Variants in FGGY observed in about 807,000 individuals in gnomAD.
FGGY encodes FGGY carbohydrate kinase domain-containing protein.
FGGY carries 72 observed loss-of-function variants against 71.3 expected under a neutral mutation model. That is an observed-to-expected ratio of 1.01 (90% CI 0.84 to 1.23). The LOEUF (loss-of-function observed/expected upper bound fraction) is 1.23, where lower values mean the gene tolerates loss of function less well. Among genes scored for constraint, FGGY ranks in the 50% most tolerant of loss-of-function variants. The pLI is 0.00. For synonymous variants in FGGY, 251 were observed against 250.3 expected, an observed-to-expected ratio of 1.00 and a Z score of -0.02; for missense variants, 668 against 682.3, an observed-to-expected ratio of 0.98 and a Z score of 0.23.
chr1:59,422,379 GTTA>G (rs1189030962), intron 5 of FGGY, among the ~76,000 whole-genome samples: 3 of 152,146 alleles, frequency 2.0e-5, no homozygotes. Context: ...TTTTGTTGGT[GTTA>G]TTGTTTTTAA....
intron 7 of FGGY, among the ~76,000 whole-genome samples, chr1:59,549,226 A>G (rs1220257568): frequency 6.6e-6 from 1 of 152,236 alleles, no homozygotes; most frequent in Non-Finnish European, 1.5e-5. Flanking sequence ...CAGGAACTCC[A>G]GAAACCTCCC....
At position 59,608,250 on chromosome 1, in the gene FGGY, G is replaced by A. The variant is rs1236789973; in HGVS notation, c.1011+340G>A. Among the ~76,000 whole-genome samples, 3 of 152,198 alleles carry A rather than the reference G, an allele frequency of 2.0e-5. No individual in the cohort carries two copies. The East Asian group carries it at 5.8e-4, about 29-fold the overall frequency. ...TTCAGTTTTCCCCATAGCCCCTTGA[G>A]ACATGGCTCAGATAATATTCTGGCT... On this transcript the variant is annotated intron_variant, in intron 9 of 15. Transcript: ENST00000303721.
chr1:59,669,540 C>CTTTTTTTTTTTTTTTTTTTTT (rs58004594), intron 13 of FGGY, among the ~76,000 whole-genome samples: 1 of 102,498 alleles, frequency 9.8e-6, no homozygotes, highest in Non-Finnish European at 1.8e-5. Context: ...TTCTAGACTT[C>CTTTTTTTTTTTTTTTTTTTTT]TTTTTTTTTT....
intron 11 of FGGY, among the ~76,000 whole-genome samples, chr1:59,649,310 G>A (rs1289473637): frequency 2.1e-5 from 3 of 142,660 alleles, no homozygotes; most frequent in South Asian, 2.3e-4. Flanking sequence ...GCTTGATGGG[G>A]ATGGCATTGA....
intron 5 of FGGY, among the ~76,000 whole-genome samples, chr1:59,427,327 C>T (rs1238738835): frequency 6.6e-6 from 1 of 152,186 alleles, no homozygotes; most frequent in African/African-American, 2.4e-5. Context: ...GGGAATCTGC[C>T]TGCCTGACAG....
chr1:59,660,710 C>G (rs1221615447), intron 12 of FGGY, among the ~76,000 whole-genome samples: 1 of 152,136 alleles, frequency 6.6e-6, no homozygotes, highest in East Asian at 1.9e-4. Flanking sequence ...TTCCTTAGAA[C>G]ATGAAAGTGT....
chr1:59,736,644 G>T (rs564650836), intron 14 of FGGY, among the ~76,000 whole-genome samples: 1 of 152,176 alleles, frequency 6.6e-6, no homozygotes, highest in Non-Finnish European at 1.5e-5. Context: ...GGTATCTGGC[G>T]GAAGAAATTT....
At chr1:59,446,571 G>A (rs1003269464) in intron 5 of FGGY, among the ~76,000 whole-genome samples, 1 of 152,076 alleles carries the variant, frequency 6.6e-6, no homozygotes, top group African/African-American at 2.4e-5. Flanking sequence ...TGGTCTCTTT[G>A]TTGATACAAT....
chr1:59,664,369 C>G (rs536298346), intron 12 of FGGY, among the ~76,000 whole-genome samples: 4 of 152,334 alleles, frequency 2.6e-5, no homozygotes, highest in Non-Finnish European at 5.9e-5. Flanking sequence ...GTGGGAAATT[C>G]CAGCCGACAA....
chr1:59,735,636 G>A (rs951730782), intron 14 of FGGY, among the ~76,000 whole-genome samples: 6 of 152,294 alleles, frequency 3.9e-5, no homozygotes, highest in Admixed American at 6.5e-5. Flanking sequence ...ATCTATTTAT[G>A]AAGGAAGACA....
intron 8 of FGGY, among the ~76,000 whole-genome samples, chr1:59,560,460 A>G (rs984484187): frequency 2.6e-5 from 4 of 152,200 alleles, no homozygotes; most frequent in Non-Finnish European, 4.4e-5. Flanking sequence ...TCATGATAAT[A>G]TATCAGTGTC....
chr1:59,314,789 G>A (rs1183243753), intron 1 of FGGY, among the ~76,000 whole-genome samples: 1 of 152,190 alleles, frequency 6.6e-6, no homozygotes, highest in African/African-American at 2.4e-5. Flanking sequence ...TGTATGCACT[G>A]GGGATACAGA....
intron 14 of FGGY, among the ~76,000 whole-genome samples, chr1:59,727,599 G>A (rs1420788848): frequency 1.3e-5 from 2 of 152,132 alleles, no homozygotes; most frequent in Non-Finnish European, 2.9e-5. Flanking sequence ...ATGGATCAGA[G>A]CAATCAATAT....
intron 9 of FGGY, among the ~76,000 whole-genome samples, chr1:59,612,292 G>C (rs934932776): frequency 1.3e-5 from 2 of 152,206 alleles, no homozygotes; most frequent in African/African-American, 4.8e-5. Flanking sequence ...ACTAACAGCT[G>C]ATCTCTCGGC....
intron 14 of FGGY, among the ~76,000 whole-genome samples, chr1:59,746,308 GAAT>G (rs2098197152): frequency 6.6e-6 from 1 of 152,132 alleles, no homozygotes; most frequent in African/African-American, 2.4e-5. Context: ...GGAGGCCTGA[GAAT>G]AATGACTGTT....
chr1:59,579,788 G>C (rs1178506759), intron 8 of FGGY, among the ~76,000 whole-genome samples: 3 of 152,130 alleles, frequency 2.0e-5, no homozygotes, highest in African/African-American at 4.8e-5. Context: ...TTGAAAACTT[G>C]CCTCAGATTA....
At chr1:59,611,982 A>T (rs954170140) in intron 9 of FGGY, among the ~76,000 whole-genome samples, 3 of 152,240 alleles carry the variant, frequency 2.0e-5, no homozygotes, top group African/African-American at 7.2e-5. Context: ...AAAGCCTCCA[A>T]GAAATATGGG....
chr1:59,685,925 T>C (rs916116131), intron 14 of FGGY, among the ~76,000 whole-genome samples: 1 of 152,206 alleles, frequency 6.6e-6, no homozygotes, highest in African/African-American at 2.4e-5. Flanking sequence ...TGTCAAGTCA[T>C]ATGGAGTCAA....
intron 8 of FGGY, among the ~76,000 whole-genome samples, chr1:59,581,926 ATATT>A (rs2096201851): frequency 6.7e-6 from 1 of 149,942 alleles, no homozygotes; most frequent in Admixed American, 6.6e-5. Context: ...AACATGAAAA[ATATT>A]TATTTAGCTG....
Sources: allele counts gnomAD v4.1 joint callset (sites outside exome capture counted in the v4.1 genomes callset), GRCh38; gene constraint gnomAD v4.1.1; transcripts MANE v1.5; gene names NCBI Gene and HGNC (gene_info 2026-07-23, HGNC 2026-07-21).